The following CALCRL variants were observed in gnomAD, a reference collection of about 807,000 sequenced individuals.
CALCRL encodes the protein calcitonin gene-related peptide type 1 receptor.
CALCRL carries 27 observed loss-of-function variants against 60.4 expected under a neutral mutation model. The observed-to-expected ratio is 0.45, with a 90% CI of 0.33 to 0.62. The LOEUF is 0.62. CALCRL is among the 20% of genes least tolerant of loss of function. CALCRL has a pLI of 0.03. For synonymous variants in CALCRL, 190 were observed against 182.6 expected (o/e 1.04, Z -0.33); for missense variants, 424 against 540.7 (o/e 0.78, Z 2.14).
In CALCRL at chr2:187,344,151, A is replaced by C. The variant is rs774752978; in HGVS notation, c.*2033T>G. 6.6e-6 allele frequency: 1 copy of C among 151,606 alleles called. No individual in the cohort carries two copies. The highest frequency in any genetic ancestry group is 6.6e-5 in the Admixed American group (1 of 15,150). The allele number at this position is 151,606 out of a possible 1,614,324, so 9.4% of individuals were successfully genotyped here. On this transcript the variant is annotated 3_prime_UTR_variant, in exon 15 of 15. Transcript: ENST00000392370. ...AATAGCTAATAATTGAGTTTATTAAAATGAATTTTTGTATAATTTAGGCAG... is the reference window on the plus strand; with the variant it reads ...AATAGCTAATAATTGAGTTTATTAACATGAATTTTTGTATAATTTAGGCAG...
chr2:187,430,293 G>T (rs1690345359), intron 1 of CALCRL, among the ~76,000 whole-genome samples: 2 of 152,080 alleles, frequency 1.3e-5, no homozygotes. Context: ...AGTATGAACT[G>T]GGAATTTAAA....
At chr2:187,441,706 A>T (rs183243091) in intron 1 of CALCRL, among the ~76,000 whole-genome samples, 90 of 152,170 alleles carry the variant, frequency 5.9e-4, no homozygotes, top group African/African-American at 1.9e-3. Context: ...CAAATGAAAT[A>T]TACTGCAATA....
At chr2:187,402,224 G>A (rs58059768) in intron 1 of CALCRL, among the ~76,000 whole-genome samples, 13,232 of 151,238 alleles carry the variant, frequency 0.087, 697 homozygotes, top group South Asian at 0.17. Context: ...AACCTCATAT[G>A]TTCCAAAAGT....
chr2:187,446,543 TAATACCTC>T (rs1691195491), intron 1 of CALCRL, among the ~76,000 whole-genome samples: 1 of 151,726 alleles, frequency 6.6e-6, no homozygotes, highest in Non-Finnish European at 1.5e-5. Flanking sequence ...GATCATAATA[TAATACCTC>T]CTAAGAAAAT....
At chr2:187,400,314 A>T (rs1688837174) in intron 1 of CALCRL, among the ~76,000 whole-genome samples, 1 of 151,470 alleles carries the variant, frequency 6.6e-6, no homozygotes, top group South Asian at 2.1e-4. Context: ...AGGAAAATGC[A>T]ATTCCAAACC....
chr2:187,401,149 T>C (rs1306199635), intron 1 of CALCRL, among the ~76,000 whole-genome samples: 1 of 151,620 alleles, frequency 6.6e-6, no homozygotes, highest in Non-Finnish European at 1.5e-5. Flanking sequence ...AGTGTTCTCA[T>C]GAAGTGTACG....
At chr2:187,385,844 G>A (rs12105527) in intron 3 of CALCRL, among the ~76,000 whole-genome samples, 1 of 151,966 alleles carries the variant, frequency 6.6e-6, no homozygotes, top group African/African-American at 2.4e-5. Flanking sequence ...TGGACTTCCC[G>A]AGTTCAAGCG....
intron 8 of CALCRL, among the ~76,000 whole-genome samples, chr2:187,377,655 T>G (rs190548107): frequency 2.0e-5 from 3 of 152,240 alleles, no homozygotes; most frequent in Non-Finnish European, 2.9e-5. Flanking sequence ...GGAAAAGTTA[T>G]AGTCAAAAAT....
intron 9 of CALCRL, among the ~76,000 whole-genome samples, chr2:187,361,517 T>C (rs1455381318): frequency 1.3e-5 from 2 of 152,002 alleles, no homozygotes; most frequent in Admixed American, 1.3e-4. Flanking sequence ...AATAAAAGTT[T>C]AGTGGCAATT....
At chr2:187,368,516 T>C (rs1219697767) in intron 8 of CALCRL, among the ~76,000 whole-genome samples, 1 of 152,142 alleles carries the variant, frequency 6.6e-6, no homozygotes, top group African/African-American at 2.4e-5. Context: ...TCTATAGTTG[T>C]TGCCAAATTG....
intron 1 of CALCRL, among the ~76,000 whole-genome samples, chr2:187,396,866 A>T (rs1559060378): frequency 1.3e-5 from 2 of 151,718 alleles, no homozygotes; most frequent in African/African-American, 4.8e-5. Flanking sequence ...TGAAATTTTT[A>T]AAGTAGTATC....
intron 12 of CALCRL, among the ~76,000 whole-genome samples, chr2:187,355,820 A>G (rs937793796): frequency 4.6e-5 from 7 of 152,176 alleles, no homozygotes; most frequent in African/African-American, 1.4e-4. Flanking sequence ...TACAAAATCA[A>G]TGTGCAAAAA....
intron 1 of CALCRL, among the ~76,000 whole-genome samples, chr2:187,402,420 A>G (rs1004849210): frequency 6.1e-5 from 9 of 148,416 alleles, no homozygotes. Context: ...TATGTTTGTG[A>G]GTGTGTGTGT....
At chr2:187,373,369 T>G (rs888593225) in intron 8 of CALCRL, among the ~76,000 whole-genome samples, 1 of 152,206 alleles carries the variant, frequency 6.6e-6, no homozygotes, top group Non-Finnish European at 1.5e-5. Flanking sequence ...CTACACGGTA[T>G]CTTCTGGTCA....
intron 13 of CALCRL, 35 bp from the exon 14 acceptor site, chr2:187,351,996 T>C (rs752822209): frequency 1.3e-6 from 2 of 1,573,636 alleles, no homozygotes; most frequent in Admixed American, 1.7e-5. Flanking sequence ...TGAATCCAAA[T>C]GGAAAGATAC....
rs1281873644 is a variant in CALCRL, at chr2:187,373,667, C to CA, written c.500+5272dup. Among the ~76,000 whole-genome samples, 6 of 152,262 alleles carry CA rather than the reference C, an allele frequency of 3.9e-5. No individual in the cohort carries two copies. The East Asian group carries it at 1.2e-3, about 29-fold the overall frequency. ...CAATCATAGATAACATTTTTTGAAT[C>CA]AGACGCTCTGCTTAACACTGCATCT... On this transcript the variant is annotated intron_variant, in intron 8 of 14. Transcript: ENST00000392370.
intron 1 of CALCRL, among the ~76,000 whole-genome samples, chr2:187,435,554 A>G (rs1392398827): frequency 1.3e-5 from 2 of 152,182 alleles, no homozygotes; most frequent in Non-Finnish European, 2.9e-5. Flanking sequence ...ATAATATTCT[A>G]CATACAAGAA....
intron 1 of CALCRL, among the ~76,000 whole-genome samples, chr2:187,447,335 G>A (rs1427505418): frequency 6.6e-6 from 1 of 151,324 alleles, no homozygotes; most frequent in Non-Finnish European, 1.5e-5. Context: ...TCAAAATTAA[G>A]AATTGTTTTA....
rs1511879 is a variant in CALCRL, at chr2:187,342,858, T to C, written c.*3326A>G. On this transcript the variant is annotated 3_prime_UTR_variant, in exon 15 of 15. Transcript: ENST00000392370. The stretch of plus-strand genomic sequence containing the variant: ...ACTTGTTCCTTCATTAATTAATGAG[T>C]TAAACGAAATCTTTGAAACATTTTC... 0.44 allele frequency among the ~76,000 whole-genome samples: 66,202 copies of C among 151,200 alleles called. 15,510 individuals are homozygous for C. Among genetic ancestry groups the C allele is most frequent in the East Asian group, 0.62 (3,174 of 5,150 alleles).
Sources: gnomAD v4.1 joint callset for allele counts (sites outside exome capture counted in the v4.1 genomes callset) on GRCh38, gnomAD v4.1.1 for gene constraint, MANE v1.5 for transcripts, NCBI Gene and HGNC (gene_info 2026-07-23, HGNC 2026-07-21) for gene names.